The following ERBB4 variants were observed in gnomAD, a reference collection of about 807,000 sequenced individuals.
ERBB4 encodes erb-b2 receptor tyrosine kinase 4, also known as receptor tyrosine-protein kinase erbB-4.
A neutral mutation model predicts 158.0 loss-of-function variants in ERBB4; 42 were observed. The ratio of observed to expected loss-of-function variants is 0.27; its 90% CI spans 0.21 to 0.34. The LOEUF is 0.34. Ranked by LOEUF, ERBB4 falls within the 10% of genes least tolerant of loss-of-function variation. The pLI is 1.00. For synonymous variants in ERBB4, 583 were observed against 558.7 expected, an observed-to-expected ratio of 1.04 and a Z score of -0.61; for missense variants, 1,333 against 1,624.1, an observed-to-expected ratio of 0.82 and a Z score of 3.08.
intron 2 of ERBB4, among the ~76,000 whole-genome samples, chr2:211,953,710 C>G (rs572143786): frequency 2.0e-5 from 3 of 151,940 alleles, no homozygotes; most frequent in South Asian, 2.1e-4. Flanking sequence ...TAAATACAAT[C>G]GGATATTATT....
chr2:211,680,227 C>T (rs1356760263), intron 12 of ERBB4, among the ~76,000 whole-genome samples: 1 of 152,068 alleles, frequency 6.6e-6, no homozygotes, highest in East Asian at 1.9e-4. Flanking sequence ...TAAGGCTAAC[C>T]ATCTTTGTTT....
intron 3 of ERBB4, among the ~76,000 whole-genome samples, chr2:211,824,240 GA>G (rs1160043835): frequency 2.6e-5 from 4 of 151,910 alleles, no homozygotes; most frequent in Non-Finnish European, 5.9e-5. Flanking sequence ...AATTGCTTTC[GA>G]AAAACAGTAT....
rs982064949 is a variant in ERBB4 at position 211,379,608 on chromosome 2, A to C, written c.*4007T>G. On this transcript the variant is annotated 3_prime_UTR_variant, in exon 28 of 28. Coordinates refer to ENST00000342788, the MANE Select transcript of ERBB4 (RefSeq NM_005235.3). ...TACTTGTGGTTAGTTTTCTAGTTTG[A>C]TTTATTTAATAATATTAAAATCATT... The C allele has an allele frequency of 4.8e-5, 11 of 231,206 alleles. No individual in the cohort carries two copies. The highest frequency in any genetic ancestry group is 6.8e-5 in the Non-Finnish European group (8 of 116,902). The allele number at this position is 231,206 out of a possible 1,614,324, so 14.3% of individuals were successfully genotyped here. A position where few individuals can be genotyped will look rare whatever the true frequency, so the allele number is the denominator to read the frequency against.
chr2:212,241,408 C>G (rs2084101581), intron 1 of ERBB4, among the ~76,000 whole-genome samples: 1 of 152,036 alleles, frequency 6.6e-6, no homozygotes, highest in African/African-American at 2.4e-5. Flanking sequence ...TTGTATAAAG[C>G]ATGTATATGA....
intron 3 of ERBB4, among the ~76,000 whole-genome samples, chr2:211,854,281 C>T (rs745801718): frequency 1.3e-4 from 20 of 150,782 alleles, no homozygotes; most frequent in Admixed American, 1.1e-3. Context: ...TGTTAATTCT[C>T]ATATTATCAT....
At chr2:212,096,897 A>G (rs1468934334) in intron 2 of ERBB4, among the ~76,000 whole-genome samples, 1 of 152,044 alleles carries the variant, frequency 6.6e-6, no homozygotes, top group Non-Finnish European at 1.5e-5. Context: ...TCTCTCCTAC[A>G]TTGATCCTAC....
chr2:211,399,396 T>TATTG (rs2062987217), intron 25 of ERBB4, among the ~76,000 whole-genome samples: 1 of 152,212 alleles, frequency 6.6e-6, no homozygotes, highest in Non-Finnish European at 1.5e-5. Context: ...AGAGTGGCTC[T>TATTG]ATTGATGAAA....
intron 1 of ERBB4, among the ~76,000 whole-genome samples, chr2:212,413,134 ATT>A (rs370397826): frequency 0.24 from 24,215 of 100,336 alleles, 873 homozygotes; most frequent in Non-Finnish European, 0.29. Context: ...TGCGTGGCTA[ATT>A]TTTTTTTTTT....
rs367568427 is a variant in ERBB4, at chr2:211,383,683, C to T, written c.3859G>A (p.Glu1287Lys). The T allele has an allele frequency of 2.2e-5, 35 of 1,613,904 alleles. No homozygotes were observed. Among genetic ancestry groups the T allele is most frequent in the Middle Eastern group, 1.7e-4 (1 of 6,046 alleles). Residue 1287 changes from glutamate to lysine, a missense_variant, in exon 28 of 28, where the codon GAG (glutamate) becomes AAG (lysine). Physicochemically the swap from Glu to Lys is moderately conservative, Grantham distance 56 (BLOSUM62 1). Around this residue, in one of 5 missense-constraint regions of ERBB4, gnomAD observed 84 missense variants for 110.8 expected, o/e 0.76. Transcript: ENST00000342788. ...ACAGTGCCTGGCTTCAGGGAGAACT[C>T]AGAGAGGTATTCAGGATTCTCTGCC... ...IVAENPEYLSEFSLKPGTVLP... is the reference protein window; with the variant it reads ...IVAENPEYLSKFSLKPGTVLP...
chr2:211,394,338 T>C (rs900614119), intron 25 of ERBB4, among the ~76,000 whole-genome samples: 4 of 152,202 alleles, frequency 2.6e-5, no homozygotes, highest in African/African-American at 9.6e-5. Context: ...AGAATTGATC[T>C]CTTTACCCTG....
At chr2:212,322,734 T>C (rs916015752) in intron 1 of ERBB4, among the ~76,000 whole-genome samples, 11 of 150,474 alleles carry the variant, frequency 7.3e-5, no homozygotes, top group Non-Finnish European at 3.0e-5. Flanking sequence ...AGGAACTCAA[T>C]TACTAAAGAA....
intron 1 of ERBB4, among the ~76,000 whole-genome samples, chr2:212,230,210 G>A (rs2083615913): frequency 6.6e-6 from 1 of 151,972 alleles, no homozygotes; most frequent in African/African-American, 2.4e-5. Flanking sequence ...GCTTGAACCT[G>A]GGAGGTGGAG....
chr2:211,781,950 T>C (rs952148733), intron 4 of ERBB4, among the ~76,000 whole-genome samples: 1 of 152,120 alleles, frequency 6.6e-6, no homozygotes, highest in East Asian at 1.9e-4. Flanking sequence ...AGTAAGACAC[T>C]CAGGGTTTGC....
intron 4 of ERBB4, among the ~76,000 whole-genome samples, chr2:211,753,496 A>G (rs1031528125): frequency 6.6e-6 from 1 of 151,976 alleles, no homozygotes; most frequent in Non-Finnish European, 1.5e-5. Flanking sequence ...GCTAATGTTC[A>G]CCCTCTATGA....
chr2:212,459,552 T>C (rs1414753412), intron 1 of ERBB4, among the ~76,000 whole-genome samples: 1 of 152,070 alleles, frequency 6.6e-6, no homozygotes, highest in Non-Finnish European at 1.5e-5. Context: ...CAATACACTC[T>C]CTCTCAAAAT....
chr2:211,430,206 G>A (rs1343732917), intron 21 of ERBB4, among the ~76,000 whole-genome samples: 1 of 151,948 alleles, frequency 6.6e-6, no homozygotes, highest in Non-Finnish European at 1.5e-5. Context: ...GTTGTTGTTA[G>A]TGTAAGCTTA....
chr2:211,517,886 C>T (rs2066080298), intron 20 of ERBB4, among the ~76,000 whole-genome samples: 1 of 152,030 alleles, frequency 6.6e-6, no homozygotes, highest in African/African-American at 2.4e-5. Flanking sequence ...TGTGAGATGA[C>T]AGCTTCCTTT....
rs534965734 is a variant in ERBB4 at position 212,125,067 on chromosome 2, T to C, written c.83-164A>G. The C allele has an allele frequency of 1.1e-5, 8 of 737,722 alleles. No homozygotes were observed. In the East Asian group the frequency reaches 1.7e-4, roughly 15 times the overall value. 45.7% of individuals were successfully genotyped at this position (737,722 alleles called of 1,614,324 possible). On this transcript the variant is annotated intron_variant, in intron 1 of 27. Transcript: ENST00000342788. ...GCATAGACCCACGCACTGATGAACA[T>C]TTTCACTTTTATATTCCCAAATTAC... is the stretch of plus-strand genomic sequence containing the variant.
chr2:211,578,111 G>A (rs2067948813), intron 19 of ERBB4, among the ~76,000 whole-genome samples: 1 of 152,088 alleles, frequency 6.6e-6, no homozygotes, highest in South Asian at 2.1e-4. Context: ...GAAGTCTCAG[G>A]ATATAAAATC....
Sources: gnomAD v4.1 joint callset for allele counts (sites outside exome capture counted in the v4.1 genomes callset) on GRCh38, gnomAD v4.1.1 for gene constraint, gnomAD v4.1.1 regional missense constraint, MANE v1.5 for transcripts, NCBI Gene and HGNC (gene_info 2026-07-23, HGNC 2026-07-21) for gene names.